Variants in LAMA4 observed in about 807,000 individuals in gnomAD.
LAMA4 encodes the protein laminin subunit alpha-4.
Under a neutral mutation model 207.1 loss-of-function variants are expected in LAMA4, and 127 were observed. The ratio of observed to expected loss-of-function variants is 0.61; its 90% CI spans 0.53 to 0.71. The LOEUF is 0.71. Among genes scored for constraint, LAMA4 ranks in the 30% least tolerant of loss-of-function variants. The probability of loss-of-function intolerance (pLI) is 0.00; values close to 1 mark genes in which losing one functional copy is unlikely to be tolerated. For missense variants in LAMA4, 2,093 were observed against 2,246.5 expected (o/e 0.93, Z 1.38); for synonymous variants, 761 against 816.0 (o/e 0.93, Z 1.15).
At position 112,140,679 on chromosome 6, in the gene LAMA4, C is replaced by T. The variant is rs906349838; in HGVS notation, c.2976+81G>A. 6 of 1,350,074 alleles carry T rather than the reference C, an allele frequency of 4.4e-6. No homozygotes were observed. In the East Asian group the frequency reaches 1.2e-4, roughly 27 times the overall value. The allele number at this position is 1,350,074 out of a possible 1,614,324, so 83.6% of individuals were successfully genotyped here. On this transcript the variant is annotated intron_variant, in intron 22 of 38. Transcript: ENST00000230538. Reference sequence around the variant, plus strand: ...GCTCTTAAAGTGATATCAGCAACCCCCAAGTCATTATAGGTTTATGGATTT... The same window carrying T: ...GCTCTTAAAGTGATATCAGCAACCCTCAAGTCATTATAGGTTTATGGATTT...
intron 26 of LAMA4, 95 bp from the exon 27 acceptor site, chr6:112,133,582 G>T: frequency 7.3e-7 from 1 of 1,364,980 alleles, no homozygotes. Flanking sequence ...ATAGTCATTT[G>T]TAATGGCTTT....
At chr6:112,254,376 T>C (rs990880904) in intron 1 of LAMA4, 83 bp downstream of exon 1, 1 of 581,596 alleles carries the variant, frequency 1.7e-6, no homozygotes. Context: ...TCCCCCTCTC[T>C]CTCCCTCTCC....
At chr6:112,193,339 AG>A (rs1429527186) in intron 5 of LAMA4, among the ~76,000 whole-genome samples, 7 of 152,040 alleles carry the variant, frequency 4.6e-5, no homozygotes, top group South Asian at 2.1e-4. Context: ...TGGCCTTGGG[AG>A]TGGAAAGGAA....
intron 9 of LAMA4, chr6:112,179,966 T>C (rs782272328): frequency 5.7e-6 from 3 of 530,742 alleles, no homozygotes; most frequent in East Asian, 5.5e-5. Context: ...AGAAAAACAG[T>C]ATTTGTGGTC....
chr6:112,214,733 G>A (rs151215037), intron 3 of LAMA4, among the ~76,000 whole-genome samples: 3 of 152,332 alleles, frequency 2.0e-5, no homozygotes, highest in African/African-American at 7.2e-5. Flanking sequence ...ACATGTAAAT[G>A]TGTATATGCT....
At chr6:112,221,759 A>G (rs1290199788) in intron 2 of LAMA4, among the ~76,000 whole-genome samples, 3 of 152,114 alleles carry the variant, frequency 2.0e-5, no homozygotes, top group African/African-American at 7.3e-5. Context: ...CACAATGCTG[A>G]CTTCCATCTG....
chr6:112,182,732 T>A (rs1346673666), intron 9 of LAMA4, among the ~76,000 whole-genome samples: 1 of 152,066 alleles, frequency 6.6e-6, no homozygotes, highest in Non-Finnish European at 1.5e-5. Context: ...ATCCAGATGG[T>A]GAGGGGCAGC....
Position 112,131,008 on chromosome 6 carries a change from C to T in LAMA4, c.3928G>A (p.Gly1310Arg). 1 of 1,613,052 alleles carries T rather than the reference C, an allele frequency of 6.2e-7. No individual in the cohort carries two copies. The highest frequency in any genetic ancestry group is 8.5e-7 in the Non-Finnish European group (1 of 1,179,208). The change falls in exon 29 of 39, where the codon GGG becomes AGG. Residue 1310 changes from glycine to arginine, a missense_variant. By Grantham distance (125) the Gly-to-Arg change is moderately radical. Coordinates refer to ENST00000230538, the MANE Select transcript of LAMA4 (RefSeq NM_001105206.3). The part of the protein sequence containing the change: ...VQSVDKQYND[G>R]LSHFVISSVS... ...GAGCTAATGACGAAGTGGGACAGCC[C>T]ATCATTGTACTGCTTATCTACTGAC... is the stretch of plus-strand genomic sequence containing the variant.
chr6:112,136,087 C>T, intron 25 of LAMA4, 36 bp downstream of exon 25: 1 of 1,600,012 alleles, frequency 6.2e-7, no homozygotes, highest in South Asian at 1.1e-5. Context: ...GTATAAAGAA[C>T]AAAAACAAAA....
chr6:112,208,642 A>C (rs782184306), intron 3 of LAMA4, among the ~76,000 whole-genome samples: 1 of 152,240 alleles, frequency 6.6e-6, no homozygotes, highest in Admixed American at 6.5e-5. Flanking sequence ...GGCTTAACAA[A>C]CAGTAGTAAA....
rs1778269722 is a variant in LAMA4 at position 112,120,272 on chromosome 6, C to T, written c.4665+11G>A. On this transcript the variant is annotated intron_variant, in intron 33 of 38. Coordinates refer to ENST00000230538, the MANE Select transcript of LAMA4 (RefSeq NM_001105206.3). ...ATTTGCTGGTAATGCTGTTCTCTGCCTTCAACTTACATCATGCCACAGGCC... is the reference window on the plus strand; with the variant it reads ...ATTTGCTGGTAATGCTGTTCTCTGCTTTCAACTTACATCATGCCACAGGCC... 1 of 1,611,438 alleles carries T rather than the reference C, an allele frequency of 6.2e-7. No homozygotes were observed.
In LAMA4 at chr6:112,114,750, C is replaced by A; in HGVS notation, c.5119G>T (p.Val1707Leu). Reference sequence around the variant, plus strand: ...TCTCTGATGCCATTATTGACTTTCACTATGACCTGCAAAAGATAGGACACA... The same window carrying A: ...TCTCTGATGCCATTATTGACTTTCAATATGACCTGCAAAAGATAGGACACA... Reference protein sequence around the residue: ...NVHMKNGQVIVKVNNGIRDFS... With the variant: ...NVHMKNGQVILKVNNGIRDFS... The change falls in exon 37 of 39, where the codon GTG becomes TTG. Residue 1707 changes from valine (V) to leucine (L), a missense_variant. Around this residue, in one of 3 missense-constraint regions of LAMA4, gnomAD observed 383 missense variants for 437.8 expected, o/e 0.87. Coordinates refer to ENST00000230538, the MANE Select transcript of LAMA4 (RefSeq NM_001105206.3). 1 of 1,603,294 alleles carries A rather than the reference C, an allele frequency of 6.2e-7. No individual in the cohort carries two copies. Among genetic ancestry groups the A allele is most frequent in the Non-Finnish European group, 8.5e-7 (1 of 1,170,312 alleles).
In LAMA4 at chr6:112,120,487, G is replaced by T. The variant is rs781916514; in HGVS notation, c.4476-15C>A. 1.3e-6 allele frequency: 2 copies of T among 1,593,204 alleles called. No individual in the cohort carries two copies. Among genetic ancestry groups the T allele is most frequent in the Non-Finnish European group, 1.7e-6 (2 of 1,161,410 alleles). ...AAAACTGAGATCTGGTAAATGAAAA[G>T]AAAGGGATTACCATATGTAAAATGA... On this transcript the variant is annotated splice_polypyrimidine_tract_variant and intron_variant, in intron 32 of 38. Coordinates refer to ENST00000230538, the MANE Select transcript of LAMA4 (RefSeq NM_001105206.3).
intron 14 of LAMA4, among the ~76,000 whole-genome samples, chr6:112,156,007 A>C (rs1554336898): frequency 6.6e-6 from 1 of 152,234 alleles, no homozygotes; most frequent in East Asian, 1.9e-4. Context: ...ATGTGATGGA[A>C]GTCAGGCAGA....
intron 4 of LAMA4, among the ~76,000 whole-genome samples, chr6:112,204,554 G>T (rs191215797): frequency 6.6e-6 from 1 of 151,786 alleles, no homozygotes; most frequent in East Asian, 1.9e-4. Flanking sequence ...ATGTTTATGA[G>T]AGAATGAGTG....
intron 9 of LAMA4, chr6:112,179,781 G>A (rs1422552473): frequency 1.3e-5 from 4 of 313,048 alleles, no homozygotes; most frequent in Middle Eastern, 4.0e-4. Flanking sequence ...TTGGAGAAGG[G>A]TAATCCCCTC....
In LAMA4 at chr6:112,158,868, TC is replaced by T; in HGVS notation, c.1680del (p.Ile561PhefsTer5). On this transcript the variant is annotated frameshift_variant, in exon 14 of 39. Coordinates refer to ENST00000230538, the MANE Select transcript of LAMA4 (RefSeq NM_001105206.3). LOFTEE classifies it high-confidence loss of function. The part of the protein sequence containing the change: ...ELDDIIKNAS[G>X]IYAEIDGAKS... ...TTGGCTCCATCTATTTCTGCATAAA[TC>T]CCTGACGCATTCTAAAGAAAAAAAT... The T allele has an allele frequency of 6.2e-7, 1 of 1,610,672 alleles. No homozygotes were observed. The highest frequency in any genetic ancestry group is 8.5e-7 in the Non-Finnish European group (1 of 1,177,080).
In LAMA4 at chr6:112,120,444, G is replaced by A. The variant is rs1219059509; in HGVS notation, c.4504C>T (p.Arg1502Cys). 5 of 1,613,658 alleles carry A rather than the reference G, an allele frequency of 3.1e-6. No individual in the cohort carries two copies. Among genetic ancestry groups the A allele is most frequent in the Non-Finnish European group, 4.2e-6 (5 of 1,179,756 alleles). Residue 1502 changes from arginine (R) to cysteine (C), a missense_variant, in exon 33 of 39, where the codon CGT becomes TGT. Arg to Cys is a radical substitution (Grantham distance 180). This residue lies in a region of LAMA4 where 383 missense variants were observed against 437.8 expected (regional missense o/e 0.87). Transcript: ENST00000230538. ...TAGAAGATCATGCCATGGGAGGAAC[G>A]AGTTCTCAGACGAATGGAAAACTGA... ...KSQFSIRLRTRSSHGMIFYVS... is the reference protein window; with the variant it reads ...KSQFSIRLRTCSSHGMIFYVS...
intron 31 of LAMA4, among the ~76,000 whole-genome samples, chr6:112,124,355 G>C (rs1009675616): frequency 1.3e-5 from 2 of 152,070 alleles, no homozygotes; most frequent in Non-Finnish European, 2.9e-5. Flanking sequence ...CTTCAGTGTG[G>C]GAATACATGA....
Sources: gnomAD v4.1 joint callset for allele counts (sites outside exome capture counted in the v4.1 genomes callset) on GRCh38, gnomAD v4.1.1 for gene constraint, gnomAD v4.1.1 regional missense constraint, MANE v1.5 for transcripts, NCBI Gene and HGNC (gene_info 2026-07-23, HGNC 2026-07-21) for gene names.